The following CYTH3 variants were observed in gnomAD, a reference collection of about 807,000 sequenced individuals.
The protein encoded by CYTH3 is cytohesin-3.
A neutral mutation model predicts 55.1 loss-of-function variants in CYTH3; 23 were observed. The observed-to-expected ratio is 0.42, with a 90% CI of 0.30 to 0.59. The LOEUF is 0.59. Ranked by LOEUF, CYTH3 falls within the 20% of genes least tolerant of loss-of-function variation. CYTH3 has a pLI of 0.20. For synonymous variants in CYTH3, 249 were observed against 194.9 expected (o/e 1.28, Z -2.31); for missense variants, 413 against 524.8 (o/e 0.79, Z 2.08).
intron 1 of CYTH3, among the ~76,000 whole-genome samples, chr7:6,192,772 A>T (rs1164567476): frequency 1.3e-5 from 2 of 149,514 alleles, no homozygotes; most frequent in Admixed American, 6.7e-5. Context: ...ACCTCAAGTG[A>T]TCCACCCGTC....
intron 1 of CYTH3, among the ~76,000 whole-genome samples, chr7:6,252,524 T>A (rs1373893659): frequency 6.6e-6 from 1 of 152,206 alleles, no homozygotes; most frequent in Non-Finnish European, 1.5e-5. Flanking sequence ...TTGAATACTT[T>A]TAGAGGAGTG....
At chr7:6,173,768 T>TAA (rs1562878218) in intron 5 of CYTH3, 35 bp from the exon 6 acceptor site, 1 of 1,214,018 alleles carries the variant, frequency 8.2e-7, no homozygotes, top group South Asian at 1.2e-5. Flanking sequence ...AAACCTAATG[T>TAA]ACATTATCGC....
chr7:6,236,929 T>C (rs1175943867), intron 1 of CYTH3, among the ~76,000 whole-genome samples: 2 of 152,202 alleles, frequency 1.3e-5, no homozygotes, highest in Non-Finnish European at 2.9e-5. Context: ...ATTTTCAAAA[T>C]TTACAAATTT....
chr7:6,210,361 T>C (rs1784296071), intron 1 of CYTH3, among the ~76,000 whole-genome samples: 1 of 152,230 alleles, frequency 6.6e-6, no homozygotes, highest in Non-Finnish European at 1.5e-5. Context: ...AAGTCATCTC[T>C]GACAATTTAA....
chr7:6,238,595 G>A (rs1234186395), intron 1 of CYTH3, among the ~76,000 whole-genome samples: 1 of 152,178 alleles, frequency 6.6e-6, no homozygotes, highest in Non-Finnish European at 1.5e-5. Flanking sequence ...TGTTCTGGAT[G>A]ATACTATAAC....
chr7:6,175,357 C>T (rs141731729), intron 5 of CYTH3, among the ~76,000 whole-genome samples: 9 of 152,196 alleles, frequency 5.9e-5, no homozygotes, highest in South Asian at 4.2e-4. Context: ...GTAGAGTCTA[C>T]CTACTTTTAC....
Position 6,165,787 on chromosome 7 carries a change from GCTTCCAGGT to G in CYTH3, c.838_846del (p.Thr280_Lys282del), listed in dbSNP as rs1413197457. On this transcript the variant is annotated inframe_deletion, in exon 10 of 13. Transcript: ENST00000350796. Reference sequence around the variant, plus strand: ...TTATCGGTCAGGATGAACCACCGGCGCTTCCAGGTCTTCACACGCCCTCCTAGAAGCAGA... The same window carrying G: ...TTATCGGTCAGGATGAACCACCGGCGCTTCACACGCCCTCCTAGAAGCAGA... 6.2e-7 allele frequency: 1 copy of G among 1,614,000 alleles called. No individual in the cohort carries two copies. Among genetic ancestry groups the G allele is most frequent in the Non-Finnish European group, 8.5e-7 (1 of 1,180,014 alleles).
intron 6 of CYTH3, chr7:6,172,890 G>A: frequency 8.0e-7 from 1 of 1,243,500 alleles, no homozygotes; most frequent in Middle Eastern, 2.2e-4. Flanking sequence ...CAAAAACGCT[G>A]CCAACATTGC....
At chr7:6,220,764 G>A (rs978069613) in intron 1 of CYTH3, among the ~76,000 whole-genome samples, 1 of 152,074 alleles carries the variant, frequency 6.6e-6, no homozygotes, top group African/African-American at 2.4e-5. Flanking sequence ...GGGAGGCCGA[G>A]GCAGGTGGAA....
At chr7:6,246,314 C>T (rs1249512372) in intron 1 of CYTH3, among the ~76,000 whole-genome samples, 3 of 151,928 alleles carry the variant, frequency 2.0e-5, no homozygotes, top group Admixed American at 2.0e-4. Context: ...AGTGTTCCTC[C>T]CGCCTCAACT....
intron 4 of CYTH3, among the ~76,000 whole-genome samples, chr7:6,179,786 A>C (rs1251105855): frequency 2.1e-5 from 2 of 97,276 alleles, no homozygotes; most frequent in Non-Finnish European, 3.9e-5. Flanking sequence ...CACACCACCT[A>C]CCACACACAC....
chr7:6,178,943 G>A (rs567653957), intron 4 of CYTH3, among the ~76,000 whole-genome samples: 1 of 152,288 alleles, frequency 6.6e-6, no homozygotes, highest in African/African-American at 2.4e-5. Flanking sequence ...GGCAAGGGTG[G>A]CAAGGGAATA....
intron 4 of CYTH3, among the ~76,000 whole-genome samples, chr7:6,181,394 C>T (rs1015866438): frequency 3.2e-4 from 48 of 152,206 alleles, no homozygotes; most frequent in African/African-American, 1.1e-3. Flanking sequence ...AGTGACAGGA[C>T]AGACAGAATT....
At chr7:6,260,797 C>A (rs1234919170) in intron 1 of CYTH3, among the ~76,000 whole-genome samples, 1 of 152,146 alleles carries the variant, frequency 6.6e-6, no homozygotes, top group African/African-American at 2.4e-5. Flanking sequence ...TCTCAACTCT[C>A]TTTCCTATGT....
rs1474482371 is a variant in CYTH3, at chr7:6,259,746, A to G, written c.34+12728T>C. Among the ~76,000 whole-genome samples, 2 of 17,482 alleles carry G rather than the reference A, an allele frequency of 1.1e-4. 1 individual carries two copies. The highest frequency in any genetic ancestry group is 5.4e-4 in the African/African-American group (2 of 3,678). 11.5% of individuals were successfully genotyped at this position (17,482 alleles called of 152,430 possible). On this transcript the variant is annotated intron_variant, in intron 1 of 12. Coordinates refer to ENST00000350796, the MANE Select transcript of CYTH3 (RefSeq NM_004227.4). ...AATATTTTACATACATATATATAAT[A>G]TATATATATATTATATATATATATA... is the stretch of plus-strand genomic sequence containing the variant.
intron 1 of CYTH3, among the ~76,000 whole-genome samples, chr7:6,190,800 G>A (rs1270923993): frequency 6.6e-6 from 1 of 152,158 alleles, no homozygotes; most frequent in Non-Finnish European, 1.5e-5. Flanking sequence ...TTTCAGGCCA[G>A]GCACGGTGGC....
At chr7:6,241,810 A>T (rs185691188) in intron 1 of CYTH3, among the ~76,000 whole-genome samples, 100 of 152,266 alleles carry the variant, frequency 6.6e-4, no homozygotes, top group African/African-American at 2.1e-3. Context: ...TATCAGTTTT[A>T]AAAAAATAAG....
chr7:6,189,552 T>TC (rs1783746940), intron 2 of CYTH3, among the ~76,000 whole-genome samples: 1 of 151,900 alleles, frequency 6.6e-6, no homozygotes, highest in African/African-American at 2.4e-5. Context: ...CAAGAGATCC[T>TC]CCTGCCTTGG....
At chr7:6,236,810 G>C (rs1017333894) in intron 1 of CYTH3, among the ~76,000 whole-genome samples, 1 of 151,456 alleles carries the variant, frequency 6.6e-6, no homozygotes, top group Non-Finnish European at 1.5e-5. Flanking sequence ...TGATCCACCC[G>C]CCTCAGTCTC....
Sources: gnomAD v4.1 joint callset for allele counts (sites outside exome capture counted in the v4.1 genomes callset) on GRCh38, gnomAD v4.1.1 for gene constraint, MANE v1.5 for transcripts, NCBI Gene and HGNC (gene_info 2026-07-23, HGNC 2026-07-21) for gene names.